AVEN: variants seen among roughly 807,000 people sequenced by gnomAD.
The protein encoded by AVEN is cell death regulator Aven.
AVEN carries 41 observed loss-of-function variants against 38.1 expected under a neutral mutation model. That is an observed-to-expected ratio of 1.08 (90% CI 0.84 to 1.40). The LOEUF (loss-of-function observed/expected upper bound fraction) is 1.40, where lower values mean the gene tolerates loss of function less well. Among genes scored for constraint, AVEN ranks in the 40% most tolerant of loss-of-function variants. The probability of loss-of-function intolerance (pLI) is 0.00; values close to 1 mark genes in which losing one functional copy is unlikely to be tolerated. For missense variants in AVEN, 605 were observed against 438.8 expected (o/e 1.38, Z -3.38); for synonymous variants, 206 against 171.8 (o/e 1.20, Z -1.56).
rs139236364 is a variant in AVEN, at chr15:33,915,170, G to A, written c.446-39175C>T. Among the ~76,000 whole-genome samples, 708 of 152,240 alleles carry A rather than the reference G, an allele frequency of 4.7e-3. 6 individuals are homozygous for A. Among genetic ancestry groups the A allele is most frequent in the African/African-American group, 0.016 (685 of 41,530 alleles). Reference sequence around the variant, plus strand: ...GGGGGAAAATGGTAGATAGGAGGCAGGACTAACTTGCAGCTCCCACTCAGA... The same window carrying A: ...GGGGGAAAATGGTAGATAGGAGGCAAGACTAACTTGCAGCTCCCACTCAGA... On this transcript the variant is annotated intron_variant, in intron 2 of 5. Coordinates refer to ENST00000306730, the MANE Select transcript of AVEN (RefSeq NM_020371.3).
intron 2 of AVEN, among the ~76,000 whole-genome samples, chr15:33,949,482 T>C (rs1338327938): frequency 1.3e-5 from 2 of 152,234 alleles, no homozygotes; most frequent in Admixed American, 1.3e-4. Context: ...TCATTATTCA[T>C]TGTATGCATC....
intron 4 of AVEN, among the ~76,000 whole-genome samples, chr15:33,870,073 A>T (rs1332753108): frequency 6.6e-6 from 1 of 152,198 alleles, no homozygotes; most frequent in African/African-American, 2.4e-5. Context: ...TGAGTTGCAC[A>T]ATCTACAAAG....
chr15:33,865,165 G>A, downstream of AVEN: 1 of 1,613,788 alleles, frequency 6.2e-7, no homozygotes, highest in Non-Finnish European at 8.5e-7. Flanking sequence ...CAAGAAAGGT[G>A]TTGGGATTTC....
chr15:33,938,945 A>G (rs1164322636), intron 2 of AVEN, among the ~76,000 whole-genome samples: 2 of 152,124 alleles, frequency 1.3e-5, no homozygotes, highest in African/African-American at 4.8e-5. Flanking sequence ...GAGTTCAAGT[A>G]ATTCTCCTGT....
chr15:33,891,037 G>A (rs1444026774), intron 2 of AVEN, among the ~76,000 whole-genome samples: 2 of 149,582 alleles, frequency 1.3e-5, no homozygotes, highest in Non-Finnish European at 3.0e-5. Context: ...TGAGGCCAGG[G>A]GGCGAAGGTT....
At chr15:33,903,868 A>T (rs979303372) in intron 2 of AVEN, among the ~76,000 whole-genome samples, 34 of 152,200 alleles carry the variant, frequency 2.2e-4, no homozygotes, top group African/African-American at 8.0e-4. Flanking sequence ...TAACAAACCG[A>T]GATGGCATGG....
intron 1 of AVEN, among the ~76,000 whole-genome samples, chr15:34,036,693 C>T (rs550095563): frequency 6.6e-6 from 1 of 152,288 alleles, no homozygotes; most frequent in Non-Finnish European, 1.5e-5. Context: ...TGGCTGAAAA[C>T]ATGATGATGA....
chr15:34,012,155 C>G (rs1034108749), intron 1 of AVEN, among the ~76,000 whole-genome samples: 4 of 152,140 alleles, frequency 2.6e-5, no homozygotes, highest in African/African-American at 9.7e-5. Context: ...GCTAGATTAC[C>G]ATCAACAACT....
chr15:33,871,723 G>T (rs182293582), intron 3 of AVEN, among the ~76,000 whole-genome samples: 1 of 147,992 alleles, frequency 6.8e-6, no homozygotes, highest in Admixed American at 6.7e-5. Context: ...TATTTAGGCA[G>T]TGAGAAGGGA....
chr15:33,902,553 A>G (rs1892534724), intron 2 of AVEN, among the ~76,000 whole-genome samples: 1 of 152,232 alleles, frequency 6.6e-6, no homozygotes, highest in Admixed American at 6.5e-5. Flanking sequence ...TCTATTCAAC[A>G]TAGTACTGGA....
Position 33,931,532 on chromosome 15 carries a change from A to G in AVEN, c.446-55537T>C, listed in dbSNP as rs1199068117. On this transcript the variant is annotated intron_variant, in intron 2 of 5. Coordinates refer to ENST00000306730, the MANE Select transcript of AVEN (RefSeq NM_020371.3). ...ACTACAGGCACCCGCCACCACACCC[A>G]GCTAATTTTTTGTATTTTTAGTAGA... Among the ~76,000 whole-genome samples, 7 of 151,186 alleles carry G rather than the reference A, an allele frequency of 4.6e-5. No individual in the cohort carries two copies. The East Asian group carries it at 5.8e-4, about 13-fold the overall frequency.
chr15:33,855,328 A>G (rs945812231), downstream of AVEN, among the ~76,000 whole-genome samples: 18 of 152,052 alleles, frequency 1.2e-4, no homozygotes, highest in African/African-American at 4.3e-4. Flanking sequence ...CTCAGCCTCC[A>G]GAGTAGCTGG....
intron 1 of AVEN, among the ~76,000 whole-genome samples, chr15:34,022,243 T>G (rs1418288995): frequency 6.6e-6 from 1 of 152,172 alleles, no homozygotes; most frequent in Non-Finnish European, 1.5e-5. Flanking sequence ...CCTGACAATT[T>G]TAACCAGAAT....
chr15:33,966,254 A>T (rs1433669781), intron 2 of AVEN, among the ~76,000 whole-genome samples: 2 of 152,154 alleles, frequency 1.3e-5, no homozygotes, highest in Non-Finnish European at 2.9e-5. Flanking sequence ...TTTCAGAGAC[A>T]ACTTGGAAAG....
At chr15:33,973,402 T>C (rs1895724790) in intron 2 of AVEN, among the ~76,000 whole-genome samples, 1 of 152,208 alleles carries the variant, frequency 6.6e-6, no homozygotes, top group Admixed American at 6.5e-5. Flanking sequence ...ATCAACTGTA[T>C]ACCTTCCCTT....
intron 2 of AVEN, among the ~76,000 whole-genome samples, chr15:33,890,889 T>C (rs1891917328): frequency 6.6e-6 from 1 of 152,110 alleles, no homozygotes; most frequent in African/African-American, 2.4e-5. Context: ...AAGAGGATCA[T>C]GAGAGCCCTG....
At chr15:33,914,531 T>C (rs1893046260) in intron 2 of AVEN, among the ~76,000 whole-genome samples, 1 of 151,548 alleles carries the variant, frequency 6.6e-6, no homozygotes, top group Non-Finnish European at 1.5e-5. Context: ...AGGATCTAAA[T>C]ATAAAATATG....
downstream of AVEN, chr15:33,865,831 G>A (rs1890337526): frequency 6.6e-6 from 1 of 152,622 alleles, no homozygotes; most frequent in Admixed American, 6.5e-5. Flanking sequence ...GTTCCAGAAG[G>A]ACAGTTCCAT....
At chr15:33,860,702 C>T (rs1216380922) in intron 11 of AVEN, 1 of 1,343,384 alleles carries the variant, frequency 7.4e-7, no homozygotes, top group Non-Finnish European at 1.0e-6. Context: ...ATTTTAATAT[C>T]CCCAGAAGCA....
Sources: allele counts gnomAD v4.1 joint callset (sites outside exome capture counted in the v4.1 genomes callset), GRCh38; gene constraint gnomAD v4.1.1; transcripts MANE v1.5; gene names NCBI Gene and HGNC (gene_info 2026-07-23, HGNC 2026-07-21).